The following CUL5 variants were observed in gnomAD, a reference collection of about 807,000 sequenced individuals.
The protein encoded by CUL5 is cullin 5, also known as cullin-5.
Under a neutral mutation model 108.8 loss-of-function variants are expected in CUL5, and 26 were observed. The ratio of observed to expected loss-of-function variants is 0.24; its 90% confidence interval spans 0.18 to 0.33. The LOEUF (loss-of-function observed/expected upper bound fraction) is 0.33, where lower values mean the gene tolerates loss of function less well. Ranked by LOEUF, CUL5 falls within the 10% of genes least tolerant of loss-of-function variation. The pLI, the probability that CUL5 is intolerant of heterozygous loss-of-function variation, is 1.00. For synonymous variants in CUL5, 334 were observed against 298.0 expected (o/e 1.12, Z -1.25); for missense variants, 524 against 909.2 (o/e 0.58, Z 5.45).
chr11:108,083,621 C>T (rs955359804), intron 11 of CUL5, among the ~76,000 whole-genome samples: 13 of 152,176 alleles, frequency 8.5e-5, no homozygotes, highest in African/African-American at 2.2e-4. Flanking sequence ...TGAGACCCAT[C>T]TCTACAAAAT....
At chr11:108,009,469 T>C in intron 1 of CUL5, 97 bp downstream of exon 1, 1 of 1,339,642 alleles carries the variant, frequency 7.5e-7, no homozygotes, top group Admixed American at 1.9e-5. Context: ...AGTGTGGGAG[T>C]GTTCAGGGGT....
chr11:108,048,973 C>T (rs1197314808), intron 3 of CUL5, among the ~76,000 whole-genome samples: 1 of 151,930 alleles, frequency 6.6e-6, no homozygotes, highest in African/African-American at 2.4e-5. Context: ...CGTGACTCCA[C>T]CACCTTTTAA....
intron 1 of CUL5, among the ~76,000 whole-genome samples, chr11:108,033,363 A>C (rs1862644114): frequency 6.6e-6 from 1 of 152,132 alleles, no homozygotes; most frequent in Non-Finnish European, 1.5e-5. Context: ...TGTGACCCCA[A>C]ACCCGTATCT....
chr11:108,027,701 C>T (rs550171523), intron 1 of CUL5, among the ~76,000 whole-genome samples: 13 of 152,294 alleles, frequency 8.5e-5, no homozygotes, highest in African/African-American at 2.6e-4. Flanking sequence ...ACTATTGCGC[C>T]TGGCTCCTCG....
intron 11 of CUL5, among the ~76,000 whole-genome samples, chr11:108,085,869 T>C (rs1864209713): frequency 6.6e-6 from 1 of 152,176 alleles, no homozygotes; most frequent in African/African-American, 2.4e-5. Context: ...TTCTAAAATT[T>C]TATTATGGTG....
intron 8 of CUL5, among the ~76,000 whole-genome samples, chr11:108,070,912 T>C (rs1423740832): frequency 6.6e-6 from 1 of 152,202 alleles, no homozygotes; most frequent in Non-Finnish European, 1.5e-5. Flanking sequence ...AGCAAGCTGC[T>C]TTATTGGCGT....
At chr11:108,013,441 G>C (rs183383869) in intron 1 of CUL5, among the ~76,000 whole-genome samples, 5 of 152,256 alleles carry the variant, frequency 3.3e-5, no homozygotes, top group African/African-American at 9.6e-5. Flanking sequence ...GATCTTTCCA[G>C]CTGGGTCTTC....
chr11:108,071,097 A>T (rs530685417), intron 8 of CUL5, among the ~76,000 whole-genome samples: 1 of 152,338 alleles, frequency 6.6e-6, no homozygotes, highest in South Asian at 2.1e-4. Flanking sequence ...AAAATTATTT[A>T]TGAATACAGT....
At chr11:108,073,519 A>T (rs201707666) in intron 10 of CUL5, 22 bp downstream of exon 10, 339 of 1,115,246 alleles carry the variant, frequency 3.0e-4, no homozygotes, top group East Asian at 1.1e-3. Flanking sequence ...TATATATATA[A>T]AAAACACTTT....
At chr11:108,088,391 C>T in intron 11 of CUL5, 136 bp from the exon 12 acceptor site, 1 of 915,012 alleles carries the variant, frequency 1.1e-6, no homozygotes, top group South Asian at 1.8e-5. Context: ...CCCTAGGATG[C>T]TTGCTTATCC....
intron 10 of CUL5, 53 bp downstream of exon 10, chr11:108,073,550 T>C: frequency 1.3e-6 from 1 of 784,650 alleles, no homozygotes; most frequent in Non-Finnish European, 2.0e-6. Context: ...ATTCTCATAA[T>C]TTACTTCTAA....
intron 18 of CUL5, among the ~76,000 whole-genome samples, chr11:108,098,980 C>A (rs1334593495): frequency 1.4e-5 from 2 of 147,626 alleles, no homozygotes; most frequent in Non-Finnish European, 3.0e-5. Flanking sequence ...TCATTTAATA[C>A]TATTTGAAAC....
At position 108,037,230 on chromosome 11, in the gene CUL5, A is replaced by G. The variant is rs190860002; in HGVS notation, c.134+3319A>G. Among the ~76,000 whole-genome samples, 59 of 152,244 alleles carry G rather than the reference A, an allele frequency of 3.9e-4. 1 individual carries two copies. Among genetic ancestry groups the G allele is most frequent in the Admixed American group, 2.7e-3 (42 of 15,292 alleles). ...GAGGTAGCCAATTTTCCTGGTTTAG[A>G]GCTATCATTTTCAAATTTCATAGGT... On this transcript the variant is annotated intron_variant, in intron 2 of 18. Transcript: ENST00000393094.
chr11:108,086,561 G>C (rs1014009016), intron 11 of CUL5, among the ~76,000 whole-genome samples: 3 of 152,220 alleles, frequency 2.0e-5, no homozygotes, highest in Non-Finnish European at 2.9e-5. Context: ...CATTAAGTTA[G>C]TGGAGTATGG....
chr11:108,043,176 G>A (rs1862976359), intron 2 of CUL5, among the ~76,000 whole-genome samples: 1 of 152,196 alleles, frequency 6.6e-6, no homozygotes, highest in Admixed American at 6.5e-5. Flanking sequence ...GAGTTCAAGT[G>A]ATCTTCCCTC....
At chr11:108,052,639 A>C in intron 4 of CUL5, 21 bp from the exon 5 acceptor site, 1 of 1,577,782 alleles carries the variant, frequency 6.3e-7, no homozygotes, top group South Asian at 1.2e-5. Flanking sequence ...ATTATGTTAC[A>C]ATTTGTTCTT....
intron 7 of CUL5, 51 bp from the exon 8 acceptor site, chr11:108,070,045 T>G (rs1863782157): frequency 8.8e-7 from 1 of 1,130,918 alleles, no homozygotes; most frequent in Non-Finnish European, 1.3e-6. Context: ...TTAGAATAGA[T>G]TTGTGCTATA....
rs75009813 is a variant in CUL5, at chr11:108,039,712, A to T, written c.134+5801A>T. On this transcript the variant is annotated intron_variant, in intron 2 of 18. Coordinates refer to ENST00000393094, the MANE Select transcript of CUL5 (RefSeq NM_003478.6). ...AGATAACTCATATAAATGGAATCGT[A>T]TAGTATTTGTCGTTTGGAAAGACAT... is the stretch of plus-strand genomic sequence containing the variant. 6.3e-4 allele frequency among the ~76,000 whole-genome samples: 96 copies of T among 152,326 alleles called. 1 individual carries two copies. The East Asian group carries it at 0.017, about 28-fold the overall frequency.
chr11:108,070,594 C>T (rs1042727890), intron 8 of CUL5, among the ~76,000 whole-genome samples: 2 of 142,572 alleles, frequency 1.4e-5, no homozygotes, highest in African/African-American at 5.2e-5. Context: ...CATCTCTGTC[C>T]CCCAAAATAC....
Sources: allele counts gnomAD v4.1 joint callset (sites outside exome capture counted in the v4.1 genomes callset), GRCh38; gene constraint gnomAD v4.1.1; transcripts MANE v1.5; gene names NCBI Gene and HGNC (gene_info 2026-07-23, HGNC 2026-07-21).